Variants in NEDD4L observed in about 807,000 individuals in gnomAD.
NEDD4L encodes the protein E3 ubiquitin-protein ligase NEDD4-like.
NEDD4L carries 54 observed loss-of-function variants against 148.9 expected under a neutral mutation model. The ratio of observed to expected loss-of-function variants is 0.36; its 90% CI spans 0.29 to 0.45. The LOEUF (loss-of-function observed/expected upper bound fraction) is 0.45, where lower values mean the gene tolerates loss of function less well. NEDD4L is among the 20% of genes least tolerant of loss of function. The pLI is 1.00. For synonymous variants in NEDD4L, 433 were observed against 440.7 expected, an observed-to-expected ratio of 0.98 and a Z score of 0.22; for missense variants, 856 against 1,233.8, an observed-to-expected ratio of 0.69 and a Z score of 4.59.
At chr18:58,079,073 G>C (rs745792481) in intron 1 of NEDD4L, among the ~76,000 whole-genome samples, 2 of 152,136 alleles carry the variant, frequency 1.3e-5, no homozygotes, top group African/African-American at 4.8e-5. Context: ...GGCGATGTGC[G>C]AAGACACCCG....
intron 16 of NEDD4L, among the ~76,000 whole-genome samples, chr18:58,343,794 G>C (rs76828036): frequency 0.013 from 1,906 of 152,268 alleles, 32 homozygotes; most frequent in African/African-American, 0.044. Flanking sequence ...TTGTATTTCT[G>C]TGTCAGTTCT....
At chr18:58,080,332 C>T (rs2145085159) in intron 1 of NEDD4L, among the ~76,000 whole-genome samples, 1 of 152,328 alleles carries the variant, frequency 6.6e-6, no homozygotes, top group East Asian at 1.9e-4. Flanking sequence ...TTTCAGAGTT[C>T]TGGTAAAAGA....
chr18:58,165,584 T>A, intron 1 of NEDD4L: 4 of 938,330 alleles, frequency 4.3e-6, no homozygotes, highest in Non-Finnish European at 5.1e-6. Flanking sequence ...ACTTGGATGT[T>A]CTAAGTTTCT....
At chr18:58,064,717 A>G (rs1289131899) in intron 1 of NEDD4L, among the ~76,000 whole-genome samples, 2 of 152,220 alleles carry the variant, frequency 1.3e-5, no homozygotes, top group Non-Finnish European at 2.9e-5. Flanking sequence ...GTTTACATAA[A>G]GTGGTCATGT....
At chr18:58,071,061 G>C (rs925350060) in intron 1 of NEDD4L, among the ~76,000 whole-genome samples, 1 of 151,856 alleles carries the variant, frequency 6.6e-6, no homozygotes, top group African/African-American at 2.4e-5. Context: ...CACACACCTC[G>C]GTTTCTGCCT....
chr18:58,395,415 C>T (rs936584107), intron 30 of NEDD4L, among the ~76,000 whole-genome samples: 3 of 152,150 alleles, frequency 2.0e-5, no homozygotes, highest in Non-Finnish European at 4.4e-5. Flanking sequence ...TGTGCAGTTT[C>T]CCCATGTCAC....
At chr18:58,236,684 T>TA (rs1190531663) in intron 2 of NEDD4L, among the ~76,000 whole-genome samples, 1 of 152,252 alleles carries the variant, frequency 6.6e-6, no homozygotes, top group Non-Finnish European at 1.5e-5. Flanking sequence ...TCCTGGAAGT[T>TA]ATGACCATTG....
intron 5 of NEDD4L, among the ~76,000 whole-genome samples, chr18:58,294,264 C>T (rs370043219): frequency 2.2e-4 from 33 of 152,168 alleles, no homozygotes; most frequent in Admixed American, 2.6e-4. Context: ...AGAAGGTTTT[C>T]GCACTTGATG....
intron 26 of NEDD4L, 57 bp from the exon 27 acceptor site, chr18:58,387,381 GA>G (rs2049173305): frequency 5.7e-6 from 8 of 1,412,084 alleles, no homozygotes; most frequent in South Asian, 4.2e-5. Flanking sequence ...TTTTTCCTGT[GA>G]AATTTTTTTT....
intron 1 of NEDD4L, among the ~76,000 whole-genome samples, chr18:58,119,330 C>T (rs572064): frequency 0.13 from 19,326 of 152,090 alleles, 1,264 homozygotes; most frequent in South Asian, 0.24. Context: ...GGTGTGGGCA[C>T]CTGTATACAT....
At chr18:58,246,876 C>T (rs927810998) in intron 3 of NEDD4L, among the ~76,000 whole-genome samples, 3 of 152,002 alleles carry the variant, frequency 2.0e-5, no homozygotes, top group African/African-American at 7.2e-5. Flanking sequence ...GATGCATGTT[C>T]TCTATTAAAA....
At chr18:58,244,566 C>T (rs527331432) in intron 2 of NEDD4L, among the ~76,000 whole-genome samples, 3 of 152,284 alleles carry the variant, frequency 2.0e-5, no homozygotes, top group East Asian at 3.9e-4. Context: ...GACTTGTAGT[C>T]GAGAAACCTG....
At chr18:58,144,703 T>TA (rs2033918005) in intron 1 of NEDD4L, among the ~76,000 whole-genome samples, 1 of 151,028 alleles carries the variant, frequency 6.6e-6, no homozygotes, top group Non-Finnish European at 1.5e-5. Context: ...AGGAACAAAA[T>TA]AAAAATTACC....
rs760925393 is a variant in NEDD4L, at chr18:58,357,319, T to C, written c.1767+67T>C. The stretch of plus-strand genomic sequence containing the variant: ...GTTACGTGTTTACGTGTTTCTTGTG[T>C]ATTACTGATAACGGTGATGTCAAGG... On this transcript the variant is annotated intron_variant, in intron 19 of 30. Coordinates refer to ENST00000400345, the MANE Select transcript of NEDD4L (RefSeq NM_001144967.3). 9 of 1,309,218 alleles carry C rather than the reference T, an allele frequency of 6.9e-6. No homozygotes were observed. The South Asian group carries it at 1.1e-4, about 15-fold the overall frequency. 81.1% of individuals were successfully genotyped at this position (1,309,218 alleles called of 1,614,324 possible).
At chr18:58,356,410 A>T (rs530552439) in intron 18 of NEDD4L, among the ~76,000 whole-genome samples, 1 of 142,262 alleles carries the variant, frequency 7.0e-6, no homozygotes, top group South Asian at 2.2e-4. Context: ...CTCTCCCTCC[A>T]CTCCACCCTA....
chr18:58,044,950 C>A, intron 1 of NEDD4L: 2 of 455,228 alleles, frequency 4.4e-6, no homozygotes, highest in South Asian at 9.1e-5. Flanking sequence ...GCTGGGGGTT[C>A]ACTCCGCAGC....
At chr18:58,299,359 C>G (rs1339393537) in intron 5 of NEDD4L, among the ~76,000 whole-genome samples, 1 of 152,150 alleles carries the variant, frequency 6.6e-6, no homozygotes, top group African/African-American at 2.4e-5. Context: ...GTATTTTTGT[C>G]CCCTTGACTT....
intron 13 of NEDD4L, among the ~76,000 whole-genome samples, chr18:58,336,548 C>G (rs112872690): frequency 0.031 from 4,712 of 151,830 alleles, 224 homozygotes; most frequent in African/African-American, 0.11. Flanking sequence ...CTGCTCTCCA[C>G]CCTGGGCGAC....
intron 18 of NEDD4L, among the ~76,000 whole-genome samples, chr18:58,353,707 A>G (rs1019661394): frequency 3.9e-5 from 6 of 152,250 alleles, no homozygotes; most frequent in African/African-American, 1.2e-4. Context: ...CCTGGAAGAT[A>G]ACATTTAGGA....
Sources: gnomAD v4.1 joint callset for allele counts (sites outside exome capture counted in the v4.1 genomes callset) on GRCh38, gnomAD v4.1.1 for gene constraint, MANE v1.5 for transcripts, NCBI Gene and HGNC (gene_info 2026-07-23, HGNC 2026-07-21) for gene names.